PIGN: variants seen among roughly 807,000 people sequenced by gnomAD.
PIGN encodes the protein GPI ethanolamine phosphate transferase 1.
In PIGN, 117 loss-of-function variants were observed where a neutral mutation model predicts 125.4. The ratio of observed to expected loss-of-function variants is 0.93; its 90% CI spans 0.80 to 1.09. The LOEUF (loss-of-function observed/expected upper bound fraction) is 1.09. Among genes scored for constraint, PIGN ranks in the 50% least tolerant of loss-of-function variants. PIGN has a pLI of 0.00. For synonymous variants in PIGN, 392 were observed against 377.8 expected, an observed-to-expected ratio of 1.04 and a Z score of -0.44; for missense variants, 1,075 against 1,094.9, an observed-to-expected ratio of 0.98 and a Z score of 0.26.
intron 10 of PIGN, among the ~76,000 whole-genome samples, chr18:62,145,255 T>C (rs2036282088): frequency 6.6e-6 from 1 of 152,214 alleles, no homozygotes; most frequent in Non-Finnish European, 1.5e-5. Flanking sequence ...ATCATGGCAG[T>C]GTACTGGTTA....
At chr18:62,134,946 T>C (rs1339128454) in intron 14 of PIGN, among the ~76,000 whole-genome samples, 1 of 152,224 alleles carries the variant, frequency 6.6e-6, no homozygotes, top group Non-Finnish European at 1.5e-5. Context: ...GTATACATCA[T>C]GTCCTTAATT....
At position 62,041,302 on chromosome 18, in the gene PIGN, T is replaced by C. The variant is rs1005837229; in HGVS notation, c.*4554A>G. On this transcript the variant is annotated 3_prime_UTR_variant, in exon 31 of 31. Coordinates refer to ENST00000640252, the MANE Select transcript of PIGN (RefSeq NM_176787.5). ...TCTGGTACCACTGGCCTTTCCCACA[T>C]GAAAGACTAAATGATGACAGGTGTA... The C allele has an allele frequency of 2.0e-5, 3 of 152,098 alleles. No homozygotes were observed. The highest frequency in any genetic ancestry group is 7.2e-5 in the African/African-American group (3 of 41,406). The allele number at this position is 152,098 out of a possible 1,614,324, so 9.4% of individuals were successfully genotyped here.
At chr18:62,055,860 A>G (rs1217476049) in intron 30 of PIGN, among the ~76,000 whole-genome samples, 1 of 151,838 alleles carries the variant, frequency 6.6e-6, no homozygotes, top group Non-Finnish European at 1.5e-5. Flanking sequence ...TATAATTTTT[A>G]TCTCTTTTCC....
chr18:62,103,407 T>C (rs1333239745), intron 20 of PIGN, among the ~76,000 whole-genome samples: 1 of 150,310 alleles, frequency 6.7e-6, no homozygotes, highest in Non-Finnish European at 1.5e-5. Context: ...ACCTTGGTAT[T>C]TTCCTCAGCT....
intron 22 of PIGN, 35 bp from the exon 23 acceptor site, chr18:62,095,985 A>G: frequency 7.2e-7 from 1 of 1,387,714 alleles, no homozygotes. Flanking sequence ...CTGTCAGTAT[A>G]AGAGACACAA....
intron 30 of PIGN, chr18:62,070,469 T>G (rs1267576969): frequency 5.0e-6 from 2 of 398,466 alleles, no homozygotes; most frequent in Non-Finnish European, 8.8e-6. Flanking sequence ...GAGGCAGATA[T>G]GTACATAAAT....
At position 62,045,884 on chromosome 18, in the gene PIGN, C is replaced by G. The variant is rs369297861; in HGVS notation, c.2768G>C (p.Cys923Ser). 109 of 1,613,678 alleles carry G rather than the reference C, an allele frequency of 6.8e-5. No homozygotes were observed. Among genetic ancestry groups the G allele is most frequent in the Non-Finnish European group, 8.6e-5 (102 of 1,179,804 alleles). Residue 923 changes from cysteine (C) to serine (S), a missense_variant, in exon 31 of 31, where the codon TGT becomes TCT. By Grantham distance (112) the Cys-to-Ser change is moderately radical. Coordinates refer to ENST00000640252, the MANE Select transcript of PIGN (RefSeq NM_176787.5). ...QLLTTKKLRLCGKPKSHFM is the reference protein window; with the variant it reads ...QLLTTKKLRLSGKPKSHFM ...CATGAAGTGACTTTTGGGTTTGCCA[C>G]ATAGTCTGAGTTTCTTCGTTGTGAG...
intron 30 of PIGN, among the ~76,000 whole-genome samples, chr18:62,068,024 A>G (rs1388578688): frequency 1.3e-5 from 2 of 152,222 alleles, no homozygotes; most frequent in African/African-American, 4.8e-5. Context: ...GGAGGAGGCT[A>G]CACATGCTAG....
chr18:62,091,826 T>C (rs534765858), intron 23 of PIGN, among the ~76,000 whole-genome samples: 1 of 152,340 alleles, frequency 6.6e-6, no homozygotes, highest in Non-Finnish European at 1.5e-5. Flanking sequence ...CTATTATTAC[T>C]TTATAAAATC....
intron 14 of PIGN, among the ~76,000 whole-genome samples, chr18:62,116,373 T>C (rs146150959): frequency 6.6e-6 from 1 of 152,312 alleles, no homozygotes; most frequent in Non-Finnish European, 1.5e-5. Flanking sequence ...ACAATTGATA[T>C]GGGCATCTCA....
At chr18:62,049,494 A>G (rs1342406333) in intron 30 of PIGN, among the ~76,000 whole-genome samples, 1 of 152,090 alleles carries the variant, frequency 6.6e-6, no homozygotes, top group East Asian at 1.9e-4. Flanking sequence ...GGCTGCATAA[A>G]TGTCTTCTTT....
intron 1 of PIGN, among the ~76,000 whole-genome samples, chr18:62,168,653 C>G (rs1314578265): frequency 6.6e-6 from 1 of 152,074 alleles, no homozygotes; most frequent in Non-Finnish European, 1.5e-5. Flanking sequence ...AATATTTAAT[C>G]TACCATCCAT....
At position 62,072,717 on chromosome 18, in the gene PIGN, G is replaced by T; in HGVS notation, c.2628C>A (p.Phe876Leu). 3 of 1,471,578 alleles carry T rather than the reference G, an allele frequency of 2.0e-6. No homozygotes were observed. The highest frequency in any genetic ancestry group is 2.7e-6 in the Non-Finnish European group (3 of 1,111,652). The allele number at this position is 1,471,578 out of a possible 1,614,324, so 91.2% of individuals were successfully genotyped here. A position where few individuals can be genotyped will look rare whatever the true frequency, so the allele number is the denominator to read the frequency against. The change falls in exon 30 of 31, where the codon TTC becomes TTA. Residue 876 changes from phenylalanine to leucine, a missense_variant. By Grantham distance (22) the Phe-to-Leu change is conservative (BLOSUM62 0). Coordinates refer to ENST00000640252, the MANE Select transcript of PIGN (RefSeq NM_176787.5). ...VISDIMALHF[F>L]FLVKDYGSWL... The stretch of plus-strand genomic sequence containing the variant: ...AGCTGCCATAATCCTTGACCAAGAA[G>T]AAAAAATGCTGTAAAAAAAAAAAAA...
At chr18:62,153,147 A>T (rs2036600241) in intron 7 of PIGN, among the ~76,000 whole-genome samples, 1 of 152,068 alleles carries the variant, frequency 6.6e-6, no homozygotes, top group Non-Finnish European at 1.5e-5. Context: ...ATACCAATCC[A>T]TCCCTATCCA....
intron 23 of PIGN, among the ~76,000 whole-genome samples, chr18:62,028,905 CAGT>C (rs780313811): frequency 9.2e-5 from 14 of 152,330 alleles, no homozygotes; most frequent in Admixed American, 3.3e-4. Flanking sequence ...TCCTTTGCAG[CAGT>C]AGATCAGCGC....
rs149648543 is a variant in PIGN, at chr18:62,084,281, T to C, written c.2502+250A>G. On this transcript the variant is annotated intron_variant, in intron 27 of 30. Coordinates refer to ENST00000640252, the MANE Select transcript of PIGN (RefSeq NM_176787.5). Reference sequence around the variant, plus strand: ...TTGATCCATAGCTTCCCACAGGCTTTAATCACATCTGATAAGATCCTCTCA... The same window carrying C: ...TTGATCCATAGCTTCCCACAGGCTTCAATCACATCTGATAAGATCCTCTCA... Among the ~76,000 whole-genome samples the C allele has an allele frequency of 2.0e-4, 31 of 152,334 alleles. 1 individual carries two copies. The highest frequency in any genetic ancestry group is 6.0e-4 in the African/African-American group (25 of 41,578).
chr18:62,019,428 G>T (rs1339055730), intron 23 of PIGN, among the ~76,000 whole-genome samples: 1 of 152,218 alleles, frequency 6.6e-6, no homozygotes, highest in Non-Finnish European at 1.5e-5. Context: ...AGTTCACTTT[G>T]TGAATCTGTG....
At chr18:62,033,354 T>C (rs2030218426) in intron 23 of PIGN, among the ~76,000 whole-genome samples, 1 of 152,220 alleles carries the variant, frequency 6.6e-6, no homozygotes, top group African/African-American at 2.4e-5. Context: ...AGAGGCTGCC[T>C]CATACTGAAC....
intron 14 of PIGN, among the ~76,000 whole-genome samples, chr18:62,117,766 G>A (rs181492864): frequency 2.0e-5 from 3 of 151,934 alleles, no homozygotes; most frequent in Admixed American, 1.3e-4. Flanking sequence ...TCTTGTCTAC[G>A]TCATCAAAGC....
Sources: gnomAD v4.1 joint callset for allele counts (sites outside exome capture counted in the v4.1 genomes callset) on GRCh38, gnomAD v4.1.1 for gene constraint, MANE v1.5 for transcripts, NCBI Gene and HGNC (gene_info 2026-07-23, HGNC 2026-07-21) for gene names.